SNX18: variants seen among roughly 807,000 people sequenced by gnomAD.
The protein encoded by SNX18 is sorting nexin 18.
A neutral mutation model predicts 48.7 loss-of-function variants in SNX18; 35 were observed. That is an observed-to-expected ratio of 0.72 (90% CI 0.55 to 0.95). The LOEUF (loss-of-function observed/expected upper bound fraction) is 0.95. SNX18 is among the 40% of genes least tolerant of loss of function. The pLI is 0.00. For synonymous variants in SNX18, 492 were observed against 384.7 expected (o/e 1.28, Z -3.26); for missense variants, 824 against 871.0 (o/e 0.95, Z 0.68).
At chr5:54,642,842 T>C in the SNX18 span, among the ~76,000 whole-genome samples, 6 of 152,186 alleles carry the variant, frequency 3.9e-5, no homozygotes, top group East Asian at 1.9e-4. Context: ...GGGTATATGA[T>C]AGATCAGCTC....
the SNX18 span, among the ~76,000 whole-genome samples, chr5:54,631,155 T>G: frequency 6.6e-6 from 1 of 152,234 alleles, no homozygotes; most frequent in East Asian, 1.9e-4. Flanking sequence ...TCCTGCCATC[T>G]CCATTTGGAG....
the SNX18 span, among the ~76,000 whole-genome samples, chr5:54,580,055 G>C: frequency 6.6e-6 from 1 of 151,920 alleles, no homozygotes; most frequent in Non-Finnish European, 1.5e-5. Flanking sequence ...GGTTACACTG[G>C]CTGAAGTGCA....
At chr5:54,565,145 AG>A in the SNX18 span, among the ~76,000 whole-genome samples, 1 of 152,224 alleles carries the variant, frequency 6.6e-6, no homozygotes, top group Non-Finnish European at 1.5e-5. Context: ...CAAAGGCACC[AG>A]ATCAGCAACT....
chr5:54,567,792 C>T, the SNX18 span, among the ~76,000 whole-genome samples: 4 of 152,176 alleles, frequency 2.6e-5, no homozygotes, highest in East Asian at 1.9e-4. Flanking sequence ...CACCTCACCT[C>T]GACCCAGCAT....
chr5:54,611,497 C>G, the SNX18 span, among the ~76,000 whole-genome samples: 8 of 152,132 alleles, frequency 5.3e-5, no homozygotes, highest in Non-Finnish European at 1.2e-4. Flanking sequence ...AGATTCCATT[C>G]TCCTGCTGAC....
chr5:54,586,626 C>T, the SNX18 span, among the ~76,000 whole-genome samples: 10 of 152,186 alleles, frequency 6.6e-5, no homozygotes, highest in African/African-American at 2.4e-4. Context: ...GATAACTAAC[C>T]CATTAATAAC....
downstream of SNX18, among the ~76,000 whole-genome samples, chr5:54,549,199 A>G (rs1473513098): frequency 1.3e-5 from 2 of 152,214 alleles, no homozygotes; most frequent in East Asian, 3.9e-4. Flanking sequence ...CCTGAGCCCA[A>G]GGCATTGACA....
the SNX18 span, among the ~76,000 whole-genome samples, chr5:54,587,557 G>A: frequency 0.025 from 3,790 of 152,136 alleles, 143 homozygotes; most frequent in African/African-American, 0.086. Context: ...CTTTCTCTCC[G>A]TGGTGCCCAA....
intron 1 of SNX18, among the ~76,000 whole-genome samples, chr5:54,522,583 G>A (rs1430987314): frequency 6.6e-6 from 1 of 152,206 alleles, no homozygotes; most frequent in Non-Finnish European, 1.5e-5. Context: ...GAAGGGGGAA[G>A]CAAGTCCTGC....
At chr5:54,607,536 G>A in the SNX18 span, among the ~76,000 whole-genome samples, 1 of 152,152 alleles carries the variant, frequency 6.6e-6, no homozygotes, top group Non-Finnish European at 1.5e-5. Context: ...TATCCAATTT[G>A]TTGCCTGTAT....
chr5:54,546,215 G>T lies in SNX18; in HGVS notation c.*2783G>T, dbSNP rs187043577. 6.6e-6 allele frequency: 1 copy of T among 152,166 alleles called. No individual in the cohort carries two copies. The highest frequency in any genetic ancestry group is 1.5e-5 in the Non-Finnish European group (1 of 68,016). The allele number at this position is 152,166 out of a possible 1,614,324, so 9.4% of individuals were successfully genotyped here. ...ATAATACAGCAGATTCTTAAATGCC[G>T]ATTTTTAATTGTCTTAAATTTTGCT... On this transcript the variant is annotated 3_prime_UTR_variant, in exon 2 of 2. Coordinates refer to ENST00000381410, the MANE Select transcript of SNX18 (RefSeq NM_001102575.2).
the SNX18 span, among the ~76,000 whole-genome samples, chr5:54,613,361 A>G: frequency 6.6e-6 from 1 of 152,088 alleles, no homozygotes; most frequent in Non-Finnish European, 1.5e-5. Flanking sequence ...TCATCCCATG[A>G]AGGAAGGCAG....
rs953046399 is a variant in SNX18 at position 54,545,534 on chromosome 5, A to T, written c.*2102A>T. The T allele has an allele frequency of 1.3e-5, 2 of 152,106 alleles. No homozygotes were observed. Among genetic ancestry groups the T allele is most frequent in the Non-Finnish European group, 2.9e-5 (2 of 68,010 alleles). 9.4% of individuals were successfully genotyped at this position (152,106 alleles called of 1,614,324 possible). The stretch of plus-strand genomic sequence containing the variant: ...ATAGCTTAAATTATAAAAACTAAAG[A>T]TGAAAGTACAAGGAAGTATAAGTTA... On this transcript the variant is annotated 3_prime_UTR_variant, in exon 2 of 2. Coordinates refer to ENST00000381410, the MANE Select transcript of SNX18 (RefSeq NM_001102575.2).
chr5:54,634,172 T>C, the SNX18 span, among the ~76,000 whole-genome samples: 2 of 152,192 alleles, frequency 1.3e-5, no homozygotes, highest in African/African-American at 4.8e-5. Context: ...ATATACACAC[T>C]TTTTCCAGCC....
chr5:54,597,155 AG>A, the SNX18 span, among the ~76,000 whole-genome samples: 1 of 152,356 alleles, frequency 6.6e-6, no homozygotes, highest in Admixed American at 6.5e-5. Context: ...AAAGAGACAA[AG>A]AAGGGCATTA....
the SNX18 span, among the ~76,000 whole-genome samples, chr5:54,565,250 T>G: frequency 1.3e-5 from 2 of 152,210 alleles, no homozygotes; most frequent in Non-Finnish European, 2.9e-5. Context: ...TGGGGGACCA[T>G]TATTCTGCCT....
At chr5:54,578,108 A>C in the SNX18 span, among the ~76,000 whole-genome samples, 1 of 152,292 alleles carries the variant, frequency 6.6e-6, no homozygotes, top group African/African-American at 2.4e-5. Flanking sequence ...AAATCAATGC[A>C]CTATCTCTGG....
chr5:54,627,567 G>A, the SNX18 span, among the ~76,000 whole-genome samples: 1 of 152,208 alleles, frequency 6.6e-6, no homozygotes, highest in South Asian at 2.1e-4. Flanking sequence ...CATAAGTTGG[G>A]GCCCTCCTGG....
At chr5:54,591,935 C>A in the SNX18 span, among the ~76,000 whole-genome samples, 1 of 152,154 alleles carries the variant, frequency 6.6e-6, no homozygotes, top group Admixed American at 6.5e-5. Context: ...TTGTTGCTAA[C>A]AAATATCTTG....
Sources: gnomAD v4.1 joint callset for allele counts (sites outside exome capture counted in the v4.1 genomes callset) on GRCh38, gnomAD v4.1.1 for gene constraint, MANE v1.5 for transcripts, NCBI Gene and HGNC (gene_info 2026-07-23, HGNC 2026-07-21) for gene names.